Variants in PLA2G4D observed in about 807,000 individuals in gnomAD.
PLA2G4D encodes cytosolic phospholipase A2 delta.
PLA2G4D carries 80 observed loss-of-function variants against 94.4 expected under a neutral mutation model. The observed-to-expected ratio is 0.85, with a 90% confidence interval of 0.71 to 1.02. PLA2G4D has a LOEUF of 1.02. Ranked by LOEUF, PLA2G4D falls within the 50% of genes least tolerant of loss-of-function variation. The pLI, the probability that PLA2G4D is intolerant of heterozygous loss-of-function variation, is 0.00. For synonymous variants in PLA2G4D, 438 were observed against 440.9 expected (o/e 0.99, Z 0.08); for missense variants, 1,050 against 1,034.7 (o/e 1.01, Z -0.20).
chr15:42,068,759 T>A lies in PLA2G4D; in HGVS notation c.2413A>T (p.Lys805Ter). 6.2e-7 allele frequency: 1 copy of A among 1,612,342 alleles called. No individual in the cohort carries two copies. The change falls in exon 20 of 20, where the codon AAG (lysine) becomes TAG (stop). Residue 805 changes from lysine to a stop codon, truncating the protein, a stop_gained. Coordinates refer to ENST00000290472, the MANE Select transcript of PLA2G4D (RefSeq NM_178034.4). LOFTEE classifies it low-confidence loss of function (END_TRUNC). ...AILQALRTAL[K>*]HRTLEARPPR... Reference sequence around the variant, plus strand: ...GGCCTCGCCTCTAGAGTCCGGTGCTTCAGCGCGGTCCTCAGGGCCTGCAGG... The same window carrying A: ...GGCCTCGCCTCTAGAGTCCGGTGCTACAGCGCGGTCCTCAGGGCCTGCAGG...
rs181530183 is a variant in PLA2G4D, at chr15:42,093,138, C to T, written c.45+1277G>A. The stretch of plus-strand genomic sequence containing the variant: ...TGGGGCAGGTTCCAGGCCCCTGTTC[C>T]AGCAGAAATGAGGCTAGGCTAAACC... On this transcript the variant is annotated intron_variant, in intron 1 of 19. Transcript: ENST00000290472. 3.4e-3 allele frequency among the ~76,000 whole-genome samples: 516 copies of T among 152,286 alleles called. 2 individuals carry two copies. Among genetic ancestry groups the T allele is most frequent in the Middle Eastern group, 0.017 (5 of 294 alleles).
intron 12 of PLA2G4D, 64 bp from the exon 13 acceptor site, chr15:42,079,823 G>A: frequency 6.7e-7 from 1 of 1,502,746 alleles, no homozygotes. Flanking sequence ...TGCAACTCCT[G>A]CTTCCCACTC....
chr15:42,070,547 C>T (rs1889783113), intron 18 of PLA2G4D, 170 bp downstream of exon 18: 6 of 844,864 alleles, frequency 7.1e-6, no homozygotes, highest in East Asian at 2.7e-5. Flanking sequence ...CCTGCACCAC[C>T]CCAGCCTTCC....
intron 19 of PLA2G4D, 84 bp from the exon 20 acceptor site, chr15:42,069,025 G>C: frequency 8.1e-7 from 1 of 1,230,864 alleles, no homozygotes; most frequent in Non-Finnish European, 1.1e-6. Context: ...GGCTGCCCCC[G>C]CTGGAGGGGC....
rs141043573 is a variant in PLA2G4D at position 42,086,270 on chromosome 15, G to A, written c.330C>T (p.Asp110=). 1.3e-6 allele frequency: 2 copies of A among 1,599,846 alleles called. No individual in the cohort carries two copies. Among genetic ancestry groups the A allele is most frequent in the Non-Finnish European group, 1.7e-6 (2 of 1,175,270 alleles). ...GCTTGCCAGGGAGGACTTCTGAGATGTCATAGAGAACCTTGAAGCAGATGT... is the reference window on the plus strand; with the variant it reads ...GCTTGCCAGGGAGGACTTCTGAGATATCATAGAGAACCTTGAAGCAGATGT... ...EDDICFKVLY[D]ISEVLPGKLL... Residue 110 remains aspartate, a synonymous_variant, in exon 4 of 20, where the codon GAC becomes GAT. Coordinates refer to ENST00000290472, the MANE Select transcript of PLA2G4D (RefSeq NM_178034.4).
chr15:42,081,690 C>A, intron 10 of PLA2G4D, 76 bp from the exon 11 acceptor site: 1 of 1,610,498 alleles, frequency 6.2e-7, no homozygotes, highest in Non-Finnish European at 8.5e-7. Context: ...CCACAATGAG[C>A]TGCCAAAGAA....
intron 7 of PLA2G4D, 106 bp downstream of exon 7, chr15:42,083,610 C>A: frequency 7.2e-7 from 1 of 1,383,636 alleles, no homozygotes; most frequent in Non-Finnish European, 1.0e-6. Context: ...AAGAGAGAGG[C>A]AAGCTCTACC....
In PLA2G4D at chr15:42,083,283, G is replaced by A. The variant is rs1157770455; in HGVS notation, c.587C>T (p.Thr196Ile). ...ELVLKGSYED[T>I]QTSFLGTASA... ...GGCTGTGCCCAGGAAGGATGTCTGT[G>A]TGTCCTCATAGGACCCCTTCAGCAC... Residue 196 changes from threonine to isoleucine, a missense_variant, in exon 8 of 20, where the codon ACA becomes ATA. Coordinates refer to ENST00000290472, the MANE Select transcript of PLA2G4D (RefSeq NM_178034.4). The A allele has an allele frequency of 6.2e-7, 1 of 1,614,164 alleles. No homozygotes were observed. The highest frequency in any genetic ancestry group is 8.5e-7 in the Non-Finnish European group (1 of 1,180,014).
chr15:42,092,966 T>A (rs1690334156), intron 1 of PLA2G4D, among the ~76,000 whole-genome samples: 1 of 151,644 alleles, frequency 6.6e-6, no homozygotes, highest in African/African-American at 2.4e-5. Context: ...ATGCAGGAGG[T>A]CAGAGAGAAG....
intron 5 of PLA2G4D, 52 bp from the exon 6 acceptor site, chr15:42,085,190 C>T: frequency 1.2e-6 from 2 of 1,607,922 alleles, no homozygotes; most frequent in Non-Finnish European, 1.7e-6. Context: ...TGACCTCCCG[C>T]TCCCGCCCAT....
At chr15:42,083,883 A>C in intron 6 of PLA2G4D, 104 bp from the exon 7 acceptor site, 1 of 1,136,084 alleles carries the variant, frequency 8.8e-7, no homozygotes, top group Non-Finnish European at 1.3e-6. Flanking sequence ...CACACACACA[A>C]GGAGTTGTGT....
Position 42,081,569 on chromosome 15 carries a change from C to G in PLA2G4D, c.867G>C (p.Glu289Asp), listed in dbSNP as rs1392565961. The part of the protein sequence containing the change: ...AVHLGFNLCA[E>D]EQAFLSRRKQ... ...TCCTCCTGCTCAGGAAGGCCTGCTC[C>G]TCTGCACAGAGATTGAAGCCCAGGT... The change falls in exon 11 of 20, where the codon GAG (glutamate) becomes GAC (aspartate). Residue 289 changes from glutamate (E) to aspartate (D), a missense_variant. Coordinates refer to ENST00000290472, the MANE Select transcript of PLA2G4D (RefSeq NM_178034.4). The G allele has an allele frequency of 6.2e-7, 1 of 1,614,226 alleles. No homozygotes were observed. The highest frequency in any genetic ancestry group is 1.1e-5 in the South Asian group (1 of 91,086).
chr15:42,087,812 G>C (rs1430389497), intron 1 of PLA2G4D, 112 bp from the exon 2 acceptor site: 4 of 1,135,414 alleles, frequency 3.5e-6, no homozygotes, highest in African/African-American at 1.5e-5. Flanking sequence ...TGGTGGTGCT[G>C]ACACCCCTGC....
chr15:42,078,329 A>G (rs750308149), intron 13 of PLA2G4D, among the ~76,000 whole-genome samples: 1 of 152,248 alleles, frequency 6.6e-6, no homozygotes, highest in Non-Finnish European at 1.5e-5. Context: ...CCCCTGGGGC[A>G]GGAGTGAAAT....
rs191119241 is a variant in PLA2G4D, at chr15:42,087,709, A to T, written c.46-9T>A. 169 of 1,613,800 alleles carry T rather than the reference A, an allele frequency of 1.0e-4. No homozygotes were observed. The highest frequency in any genetic ancestry group is 1.2e-4 in the Non-Finnish European group (144 of 1,179,776). ...CAGGTAGAGGCCTCCCCCTGAAGAG[A>T]AAATCAAACTCCAGAGTCCTTCCTG... On this transcript the variant is annotated splice_polypyrimidine_tract_variant and intron_variant, in intron 1 of 19. Coordinates refer to ENST00000290472, the MANE Select transcript of PLA2G4D (RefSeq NM_178034.4).
chr15:42,072,220 G>T, intron 14 of PLA2G4D, 55 bp downstream of exon 14: 1 of 1,444,090 alleles, frequency 6.9e-7, no homozygotes, highest in Non-Finnish European at 9.7e-7. Context: ...GGGCTGTCGG[G>T]GTGCAGAGGG....
At position 42,072,305 on chromosome 15, in the gene PLA2G4D, C is replaced by T; in HGVS notation, c.1405G>A (p.Glu469Lys). Residue 469 changes from glutamate to lysine, a missense_variant, in exon 14 of 20, where the codon GAG becomes AAG. Physicochemically the swap from Glu to Lys is moderately conservative, Grantham distance 56 (BLOSUM62 1). Transcript: ENST00000290472. ...AAGTCCAGTGTCTCCAGATTGTTCT[C>T]TTTGACATTGAGGCTCAAGTAGAGG... ...LPLYLSLNVKENNLETLDFKE... is the reference protein window; with the variant it reads ...LPLYLSLNVKKNNLETLDFKE... 1.2e-6 allele frequency: 2 copies of T among 1,613,938 alleles called. No homozygotes were observed. Among genetic ancestry groups the T allele is most frequent in the Non-Finnish European group, 1.7e-6 (2 of 1,179,994 alleles).
In PLA2G4D at chr15:42,071,777, C is replaced by G; in HGVS notation, c.1570G>C (p.Glu524Gln). 1 of 1,613,934 alleles carries G rather than the reference C, an allele frequency of 6.2e-7. No individual in the cohort carries two copies. The highest frequency in any genetic ancestry group is 8.5e-7 in the Non-Finnish European group (1 of 1,179,936). The change falls in exon 15 of 20, where the codon GAA becomes CAA. Residue 524 changes from glutamate (E) to glutamine (Q), a missense_variant. Physicochemically the swap from Glu to Gln is conservative, Grantham distance 29. Transcript: ENST00000290472. ...RIPEPRICFL[E>Q]AIWSNIFSLN... ...CCTTCAGAGCCACCACCCTCACCTT[C>G]CAGAAAGCAGATCCGGGGCTCCGGG...
rs1480682158 is a variant in PLA2G4D at position 42,084,646 on chromosome 15, G to A, written c.471+450C>T. ...GGACTCTCCCCAGTCCCAAGGAGGA[G>A]CTAGCTGCCTGAGCCTCTGATCCTC... On this transcript the variant is annotated intron_variant, in intron 6 of 19. Coordinates refer to ENST00000290472, the MANE Select transcript of PLA2G4D (RefSeq NM_178034.4). The surrounding 1 kb of genome is among the most constrained non-coding windows in gnomAD (Gnocchi z 4.8). 8.0e-6 allele frequency among the ~76,000 whole-genome samples: 1 copy of A among 124,928 alleles called. No individual in the cohort carries two copies. The highest frequency in any genetic ancestry group is 1.9e-5 in the Non-Finnish European group (1 of 53,664). 82.0% of individuals were successfully genotyped at this position (124,928 alleles called of 152,430 possible).
Sources: gnomAD v4.1 joint callset for allele counts (sites outside exome capture counted in the v4.1 genomes callset) on GRCh38, gnomAD v4.1.1 for gene constraint, Gnocchi (gnomAD v3.1) non-coding constraint, MANE v1.5 for transcripts, NCBI Gene and HGNC (gene_info 2026-07-23, HGNC 2026-07-21) for gene names.